ANOS1: variants seen among roughly 807,000 people sequenced by gnomAD.
The protein encoded by ANOS1 is anosmin 1.
A neutral mutation model predicts 59.0 loss-of-function variants in ANOS1; 6 were observed. The ratio of observed to expected loss-of-function variants is 0.10; its 90% CI spans 0.06 to 0.20. The LOEUF (loss-of-function observed/expected upper bound fraction) is 0.20, where lower values mean the gene tolerates loss of function less well. Among genes scored for constraint, ANOS1 ranks in the 10% least tolerant of loss-of-function variants. The pLI, the probability that ANOS1 is intolerant of heterozygous loss-of-function variation, is 1.00. For missense variants in ANOS1, 433 were observed against 542.3 expected (o/e 0.80, Z 2.00); for synonymous variants, 217 against 223.4 (o/e 0.97, Z 0.25).
intron 3 of ANOS1, among the ~76,000 whole-genome samples, chrX:8,602,730 A>AATT (rs758760034): frequency 2.4e-3 from 259 of 108,965 alleles, no homozygotes; most frequent in Middle Eastern, 0.014. Flanking sequence ...GTCACTCTCA[A>AATT]ATTATTATTA....
intron 2 of ANOS1, among the ~76,000 whole-genome samples, chrX:8,673,997 C>A (rs1315858799): frequency 9.0e-6 from 1 of 111,357 alleles, no homozygotes; most frequent in Non-Finnish European, 1.9e-5. Flanking sequence ...CTCTCTCTAC[C>A]CAAGGTGTCA....
intron 2 of ANOS1, among the ~76,000 whole-genome samples, chrX:8,698,013 A>T (rs1375095711): frequency 8.9e-6 from 1 of 112,418 alleles, no homozygotes. Flanking sequence ...AGTCATGCTA[A>T]CATCCAAAGG....
rs1932983831 is a variant in ANOS1, at chrX:8,731,938, C to T, written c.99G>A (p.Arg33=). The change falls in exon 1 of 14, where the codon CGG becomes CGA. Residue 33 remains arginine, a synonymous_variant. Transcript: ENST00000262648. ...CGGCAGACAGCGACTCGTCCAGCCG[C>T]CGCGCAGCAGCCGCGCCGGGGCCGG... The part of the protein sequence containing the change: ...LAAGPGAAAA[R]RLDESLSAGS... 2 of 1,139,825 alleles carry T rather than the reference C, an allele frequency of 1.8e-6. No homozygotes were observed. The highest frequency in any genetic ancestry group is 2.3e-6 in the Non-Finnish European group (2 of 862,988). The allele number at this position is 1,139,825 out of a possible 1,213,427, so 93.9% of individuals were successfully genotyped here.
Position 8,643,937 on chromosome X carries a change from G to A in ANOS1, c.256-20267C>T, listed in dbSNP as rs920403253. Among the ~76,000 whole-genome samples the A allele has an allele frequency of 2.8e-5, 3 of 108,869 alleles. No individual in the cohort carries two copies. In the South Asian group the frequency reaches 1.2e-3, roughly 44 times the overall value. The allele number at this position is 108,869 out of a possible 115,157, so 94.5% of individuals were successfully genotyped here. A position where few individuals can be genotyped will look rare whatever the true frequency, so the allele number is the denominator to read the frequency against. Reference sequence around the variant, plus strand: ...CCCCGCCTCCACTTTGAGTTGTTCCGCCTTTCTGAACCAAACCAATGTCTT... The same window carrying A: ...CCCCGCCTCCACTTTGAGTTGTTCCACCTTTCTGAACCAAACCAATGTCTT... On this transcript the variant is annotated intron_variant, in intron 2 of 13. Coordinates refer to ENST00000262648, the MANE Select transcript of ANOS1 (RefSeq NM_000216.4).
At chrX:8,661,899 T>C (rs1303778122) in intron 2 of ANOS1, among the ~76,000 whole-genome samples, 1 of 110,637 alleles carries the variant, frequency 9.0e-6, no homozygotes, top group African/African-American at 3.3e-5. Flanking sequence ...CAGGAGCACA[T>C]CCTCTCGGGG....
At chrX:8,650,176 A>G (rs1481282352) in intron 2 of ANOS1, among the ~76,000 whole-genome samples, 2 of 112,393 alleles carry the variant, frequency 1.8e-5, no homozygotes, top group African/African-American at 3.2e-5. Context: ...AGGCAACTGC[A>G]GAACACTGCA....
intron 2 of ANOS1, among the ~76,000 whole-genome samples, chrX:8,654,804 A>G (rs749331651): frequency 1.8e-5 from 2 of 112,180 alleles, no homozygotes; most frequent in Non-Finnish European, 3.8e-5. Context: ...CCACTCTGAC[A>G]TTTGCTTTTG....
At chrX:8,566,865 C>G (rs180869172) in intron 8 of ANOS1, among the ~76,000 whole-genome samples, 3 of 111,649 alleles carry the variant, frequency 2.7e-5, no homozygotes. Context: ...ATGAGCAACC[C>G]CTGTGTCTCA....
At chrX:8,578,312 T>C (rs1930364405) in intron 6 of ANOS1, among the ~76,000 whole-genome samples, 1 of 82,540 alleles carries the variant, frequency 1.2e-5, no homozygotes, top group East Asian at 3.4e-4. Flanking sequence ...GTGTTCCTTC[T>C]CCCTTAAAAA....
chrX:8,634,201 C>T (rs1931536135), intron 2 of ANOS1, among the ~76,000 whole-genome samples: 1 of 110,610 alleles, frequency 9.0e-6, no homozygotes, highest in African/African-American at 3.3e-5. Context: ...GGTAAAGAAT[C>T]ATGATGCCTG....
At chrX:8,550,221 T>A (rs1214869759) in intron 9 of ANOS1, among the ~76,000 whole-genome samples, 3 of 111,330 alleles carry the variant, frequency 2.7e-5, no homozygotes, top group Admixed American at 9.6e-5. Flanking sequence ...TCAGAAAGTA[T>A]AATTGAGGAA....
chrX:8,652,480 G>A (rs1275318168), intron 2 of ANOS1, among the ~76,000 whole-genome samples: 1 of 111,904 alleles, frequency 8.9e-6, no homozygotes, highest in Non-Finnish European at 1.9e-5. Context: ...TTGGATTTCA[G>A]CTTCCTAATT....
At chrX:8,683,866 G>A (rs1932464791) in intron 2 of ANOS1, among the ~76,000 whole-genome samples, 1 of 111,979 alleles carries the variant, frequency 8.9e-6, no homozygotes, top group Non-Finnish European at 1.9e-5. Flanking sequence ...CAGAGTGACA[G>A]CTAATGTTAT....
chrX:8,721,611 C>T (rs903413139), intron 1 of ANOS1, among the ~76,000 whole-genome samples: 8 of 111,945 alleles, frequency 7.1e-5, no homozygotes, highest in African/African-American at 2.3e-4. Context: ...GCCTCCTTTT[C>T]CTCCCTTCTT....
intron 1 of ANOS1, among the ~76,000 whole-genome samples, chrX:8,730,496 C>T (rs982628660): frequency 8.9e-6 from 1 of 112,910 alleles, no homozygotes; most frequent in East Asian, 2.8e-4. Flanking sequence ...AGATCATCCC[C>T]GAGGGTAAGG....
intron 2 of ANOS1, among the ~76,000 whole-genome samples, chrX:8,624,535 G>C (rs1319385233): frequency 9.0e-6 from 1 of 110,595 alleles, no homozygotes; most frequent in Admixed American, 9.7e-5. Flanking sequence ...CAGATACATC[G>C]AGTTTAATCA....
At chrX:8,621,318 A>G (rs1363057749) in intron 3 of ANOS1, among the ~76,000 whole-genome samples, 1 of 107,142 alleles carries the variant, frequency 9.3e-6, no homozygotes, top group Non-Finnish European at 1.9e-5. Flanking sequence ...GTGAGCCGAG[A>G]TCACGCCACT....
At chrX:8,717,900 C>A (rs765385652) in intron 1 of ANOS1, among the ~76,000 whole-genome samples, 1 of 109,008 alleles carries the variant, frequency 9.2e-6, no homozygotes, top group South Asian at 4.2e-4. Context: ...CTTGTCTCTA[C>A]AAACTGTTAA....
intron 2 of ANOS1, among the ~76,000 whole-genome samples, chrX:8,643,114 G>A (rs1931692980): frequency 9.0e-6 from 1 of 111,198 alleles, no homozygotes. Flanking sequence ...AGGTGTTGAT[G>A]ACCTAGAGGA....
Sources: allele counts gnomAD v4.1 joint callset (sites outside exome capture counted in the v4.1 genomes callset), GRCh38; gene constraint gnomAD v4.1.1; transcripts MANE v1.5; gene names NCBI Gene and HGNC (gene_info 2026-07-23, HGNC 2026-07-21).